The following IFT81 variants were observed in gnomAD, a reference collection of about 807,000 sequenced individuals.
The protein encoded by IFT81 is intraflagellar transport 81.
A neutral mutation model predicts 102.6 loss-of-function variants in IFT81; 72 were observed. The observed-to-expected ratio is 0.70, with a 90% CI of 0.58 to 0.85. The LOEUF is 0.85. Among genes scored for constraint, IFT81 ranks in the 40% least tolerant of loss-of-function variants. The probability of loss-of-function intolerance (pLI) is 0.00; values close to 1 mark genes in which losing one functional copy is unlikely to be tolerated. For missense variants in IFT81, 723 were observed against 787.3 expected, an observed-to-expected ratio of 0.92 and a Z score of 0.98; for synonymous variants, 237 against 242.7, an observed-to-expected ratio of 0.98 and a Z score of 0.22.
chr12:110,208,964 C>CT (rs981179659), intron 17 of IFT81, among the ~76,000 whole-genome samples: 2 of 151,820 alleles, frequency 1.3e-5, no homozygotes, highest in Non-Finnish European at 2.9e-5. Flanking sequence ...GTTTTGCTTT[C>CT]TTTTTTTTCC....
At chr12:110,131,063 G>A (rs940201316) in intron 4 of IFT81, among the ~76,000 whole-genome samples, 1 of 151,994 alleles carries the variant, frequency 6.6e-6, no homozygotes, top group Non-Finnish European at 1.5e-5. Context: ...TGGGCAGATT[G>A]CTTGAGCTCA....
chr12:110,152,910 G>A (rs979108808), intron 10 of IFT81, among the ~76,000 whole-genome samples: 4 of 152,246 alleles, frequency 2.6e-5, no homozygotes, highest in South Asian at 2.1e-4. Context: ...TGTTAATCCC[G>A]CATCAGATAT....
At chr12:110,203,643 C>CA in intron 14 of IFT81, 5 of 528,090 alleles carry the variant, frequency 9.5e-6, no homozygotes, top group South Asian at 8.2e-5. Flanking sequence ...CAGCTCCTAA[C>CA]AAAGAACCTG....
At chr12:110,175,154 A>C (rs1476254702) in intron 11 of IFT81, among the ~76,000 whole-genome samples, 1 of 152,206 alleles carries the variant, frequency 6.6e-6, no homozygotes, top group Non-Finnish European at 1.5e-5. Flanking sequence ...CATTTGGTTT[A>C]CCTGTTATGA....
chr12:110,158,568 T>C (rs1360274303), intron 10 of IFT81, among the ~76,000 whole-genome samples: 2 of 150,934 alleles, frequency 1.3e-5, no homozygotes, highest in Admixed American at 1.3e-4. Flanking sequence ...TCATATTTTA[T>C]TGTTTCTTTG....
intron 11 of IFT81, among the ~76,000 whole-genome samples, chr12:110,176,196 C>G (rs1897028019): frequency 6.6e-6 from 1 of 152,178 alleles, no homozygotes; most frequent in Admixed American, 6.5e-5. Flanking sequence ...CCCTACTACC[C>G]TGTGTCCCCA....
chr12:110,189,657 G>A (rs1401113435), intron 12 of IFT81, among the ~76,000 whole-genome samples: 1 of 152,092 alleles, frequency 6.6e-6, no homozygotes, highest in Non-Finnish European at 1.5e-5. Context: ...CCTAATTCCA[G>A]TCTTACACAT....
At chr12:110,187,833 G>A (rs1390172970) in intron 12 of IFT81, among the ~76,000 whole-genome samples, 1 of 151,986 alleles carries the variant, frequency 6.6e-6, no homozygotes, top group Non-Finnish European at 1.5e-5. Flanking sequence ...TCGTACCTGT[G>A]GTAGAGACTT....
chr12:110,180,362 G>A (rs992811304), intron 11 of IFT81, 60 bp from the exon 12 acceptor site: 3 of 1,058,294 alleles, frequency 2.8e-6, no homozygotes, highest in South Asian at 1.6e-5. Flanking sequence ...TTATACAGAT[G>A]TATGATATTT....
At chr12:110,163,170 T>C in intron 11 of IFT81, 105 bp downstream of exon 11, 1 of 793,184 alleles carries the variant, frequency 1.3e-6, no homozygotes, top group Non-Finnish European at 2.0e-6. Flanking sequence ...GGGACGTTAA[T>C]CTTATTTTAT....
rs1239352699 is a variant in IFT81, at chr12:110,218,780, C to T, written c.*554C>T. The T allele has an allele frequency of 6.6e-6, 1 of 152,192 alleles. No individual in the cohort carries two copies. The highest frequency in any genetic ancestry group is 1.5e-5 in the Non-Finnish European group (1 of 68,030). 9.4% of individuals were successfully genotyped at this position (152,192 alleles called of 1,614,324 possible). On this transcript the variant is annotated 3_prime_UTR_variant, in exon 19 of 19. Transcript: ENST00000242591. ...AATAAACTTGGTACGTATTTCATAT[C>T]TATTTAAAAAATGTATAGTTGTCTT...
rs79498242 is a variant in IFT81, at chr12:110,135,405, C to G, written c.664C>G (p.Leu222Val). ...AGTTGAAAAAGAGAGAGAAGAATAT[C>G]TTGCACAACAGAAACAGGAACAAAA... ...LRVEKEREEYLAQQKQEQKNQ... is the reference protein window; with the variant it reads ...LRVEKEREEYVAQQKQEQKNQ... The change falls in exon 7 of 19, where the codon CTT (leucine) becomes GTT (valine). Residue 222 changes from leucine to valine, a missense_variant. Transcript: ENST00000242591. 5,213 of 1,610,930 alleles carry G rather than the reference C, an allele frequency of 3.2e-3. 151 individuals are homozygous for G. The African/African-American group carries it at 0.059, about 18-fold the overall frequency.
intron 11 of IFT81, among the ~76,000 whole-genome samples, chr12:110,170,925 T>G (rs185042731): frequency 6.6e-6 from 1 of 152,344 alleles, no homozygotes; most frequent in Non-Finnish European, 1.5e-5. Context: ...CTTTAAATAC[T>G]TCAAAGAGAA....
chr12:110,139,600 G>C (rs920261997), intron 8 of IFT81, among the ~76,000 whole-genome samples: 2 of 151,036 alleles, frequency 1.3e-5, no homozygotes, highest in Non-Finnish European at 2.9e-5. Flanking sequence ...GTGAAACCCT[G>C]TCTCTACTAA....
At chr12:110,179,562 A>G (rs1321307617) in intron 11 of IFT81, among the ~76,000 whole-genome samples, 1 of 150,968 alleles carries the variant, frequency 6.6e-6, no homozygotes, top group African/African-American at 2.4e-5. Flanking sequence ...TCTTTACAAA[A>G]AATGCAAAAA....
intron 2 of IFT81, 142 bp from the exon 3 acceptor site, chr12:110,127,904 C>G (rs1305902575): frequency 4.8e-6 from 3 of 622,560 alleles, no homozygotes; most frequent in Non-Finnish European, 8.4e-6. Context: ...CACTTGGAAT[C>G]TGGGGGCCTC....
chr12:110,185,273 C>T lies in IFT81; in HGVS notation c.1338+4702C>T, dbSNP rs190578873. The stretch of plus-strand genomic sequence containing the variant: ...CGATCTCAGCTCACAGCAACCTCCG[C>T]CCCCTAGGTTCAAGTGATTCTCCCG... On this transcript the variant is annotated intron_variant, in intron 12 of 18. Transcript: ENST00000242591. Among the ~76,000 whole-genome samples, 6 of 152,228 alleles carry T rather than the reference C, an allele frequency of 3.9e-5. No homozygotes were observed. In the East Asian group the frequency reaches 9.7e-4, roughly 25 times the overall value.
chr12:110,125,650 C>A (rs1239418183), intron 1 of IFT81, among the ~76,000 whole-genome samples: 1 of 152,236 alleles, frequency 6.6e-6, no homozygotes, highest in African/African-American at 2.4e-5. Flanking sequence ...CTGCCTCGGC[C>A]TCCCAAAGTA....
At position 110,209,200 on chromosome 12, in the gene IFT81, A is replaced by G; in HGVS notation, c.1832A>G (p.Gln611Arg). ...REQYTKNTAE[Q>R]ENLGKKLREK... The stretch of plus-strand genomic sequence containing the variant: ...CAGTATACCAAAAATACTGCTGAAC[A>G]AGAAAACCTTGGAAAGGTAAGAATT... Residue 611 changes from glutamine to arginine, a missense_variant, in exon 18 of 19, where the codon CAA becomes CGA. Physicochemically the swap from Gln to Arg is conservative, Grantham distance 43. Coordinates refer to ENST00000242591, the MANE Select transcript of IFT81 (RefSeq NM_014055.4). 6.4e-7 allele frequency: 1 copy of G among 1,553,444 alleles called. No homozygotes were observed.
Sources: gnomAD v4.1 joint callset for allele counts (sites outside exome capture counted in the v4.1 genomes callset) on GRCh38, gnomAD v4.1.1 for gene constraint, MANE v1.5 for transcripts, NCBI Gene and HGNC (gene_info 2026-07-23, HGNC 2026-07-21) for gene names.